Variants in SPG11 observed in about 807,000 individuals in gnomAD.
The protein encoded by SPG11 is SPG11 vesicle trafficking associated, spatacsin, also known as spatacsin.
A neutral mutation model predicts 274.0 loss-of-function variants in SPG11; 222 were observed. That is an observed-to-expected ratio of 0.81 (90% CI 0.73 to 0.91). The LOEUF is 0.91. SPG11 is among the 40% of genes least tolerant of loss of function. The pLI, the probability that SPG11 is intolerant of heterozygous loss-of-function variation, is 0.00. For synonymous variants in SPG11, 1,144 were observed against 1,039.7 expected (o/e 1.10, Z -1.93); for missense variants, 3,114 against 2,872.7 (o/e 1.08, Z -1.92).
chr15:44,607,021 G>T (rs560943459), intron 19 of SPG11, among the ~76,000 whole-genome samples: 13 of 152,276 alleles, frequency 8.5e-5, no homozygotes, highest in South Asian at 6.2e-4. Flanking sequence ...GCTACTCAAA[G>T]TGCTGGTCTA....
intron 6 of SPG11, among the ~76,000 whole-genome samples, chr15:44,649,511 C>T (rs1019744122): frequency 6.6e-6 from 1 of 152,084 alleles, no homozygotes; most frequent in East Asian, 1.9e-4. Context: ...TGATTACAAG[C>T]GTGAGCCACT....
intron 21 of SPG11, among the ~76,000 whole-genome samples, chr15:44,599,474 A>C (rs1030870906): frequency 2.1e-4 from 32 of 151,874 alleles, no homozygotes; most frequent in Non-Finnish European, 7.4e-5. Flanking sequence ...TAATTTTTGT[A>C]TTTTTAGTAG....
At chr15:44,601,557 CTT>C (rs776775388) in intron 20 of SPG11, among the ~76,000 whole-genome samples, 23 of 122,710 alleles carry the variant, frequency 1.9e-4, no homozygotes, top group East Asian at 2.9e-4. Context: ...CCAGCCTCTT[CTT>C]TTTTTTTTTT....
At chr15:44,650,090 T>C (rs1208275545) in intron 6 of SPG11, among the ~76,000 whole-genome samples, 2 of 152,186 alleles carry the variant, frequency 1.3e-5, no homozygotes, top group Non-Finnish European at 2.9e-5. Flanking sequence ...TTAATTCCAA[T>C]AATCACAACA....
At chr15:44,595,056 A>G (rs1025055474) in intron 26 of SPG11, among the ~76,000 whole-genome samples, 6 of 152,168 alleles carry the variant, frequency 3.9e-5, no homozygotes, top group African/African-American at 1.4e-4. Context: ...ACCTCAAGTG[A>G]TCCACCCGCC....
intron 7 of SPG11, among the ~76,000 whole-genome samples, chr15:44,634,484 C>T (rs774633634): frequency 6.7e-6 from 1 of 150,090 alleles, no homozygotes; most frequent in Non-Finnish European, 1.5e-5. Flanking sequence ...GGTTTCACTG[C>T]GTTTGGCTAG....
chr15:44,612,119 A>G lies in SPG11; in HGVS notation c.3146-1134T>C, dbSNP rs150059565. ...CCACTGCGCCTGGCCTAAAATGGTC[A>G]TTGTCTTTAAGAATGTGGGAAAATT... On this transcript the variant is annotated intron_variant, in intron 17 of 39. Transcript: ENST00000261866. Among the ~76,000 whole-genome samples the G allele has an allele frequency of 3.8e-3, 581 of 152,220 alleles. 12 individuals are homozygous for G. Among genetic ancestry groups the G allele is most frequent in the East Asian group, 0.037 (194 of 5,178 alleles).
At chr15:44,622,682 C>G in intron 12 of SPG11, 46 bp downstream of exon 12, 1 of 1,479,988 alleles carries the variant, frequency 6.8e-7, no homozygotes, top group Non-Finnish European at 9.4e-7. Context: ...GTTTTTCACC[C>G]AGGCTTTCTA....
chr15:44,595,144 C>T, intron 26 of SPG11, 115 bp downstream of exon 26: 1 of 1,013,144 alleles, frequency 9.9e-7, no homozygotes, highest in Non-Finnish European at 1.5e-6. Flanking sequence ...ATATTATCAT[C>T]ATTATCTGTT....
intron 30 of SPG11, among the ~76,000 whole-genome samples, chr15:44,580,269 A>G (rs921494656): frequency 6.6e-6 from 1 of 152,196 alleles, no homozygotes; most frequent in African/African-American, 2.4e-5. Context: ...TAGGCTATAT[A>G]TCATGTAGTA....
In SPG11 at chr15:44,621,918, G is replaced by A. The variant is rs1415161023; in HGVS notation, c.2461C>T (p.Gln821Ter). 6.2e-7 allele frequency: 1 copy of A among 1,611,584 alleles called. No homozygotes were observed. The highest frequency in any genetic ancestry group is 1.7e-5 in the Admixed American group (1 of 59,804). The change falls in exon 14 of 40, where the codon CAA (glutamine) becomes TAA (stop). Residue 821 changes from glutamine to a stop codon, truncating the protein, a stop_gained. Transcript: ENST00000261866. LOFTEE classifies it high-confidence loss of function. ...QSFPRYWIKE[Q>*]DFFKHKSVLD... ...ACAGACTTGTGCTTGAAAAAATCTT[G>A]TTCCTTTATCCAGTACCTAAAAACA...
chr15:44,597,004 G>T, intron 23 of SPG11, 61 bp from the exon 24 acceptor site: 1 of 1,525,626 alleles, frequency 6.6e-7, no homozygotes. Flanking sequence ...TTAAAATATA[G>T]CTTTAGCTTG....
At position 44,564,674 on chromosome 15, in the gene SPG11, C is replaced by T. The variant is rs529842519; in HGVS notation, c.7024G>A (p.Asp2342Asn). The T allele has an allele frequency of 2.5e-5, 41 of 1,614,124 alleles. No individual in the cohort carries two copies. The highest frequency in any genetic ancestry group is 2.1e-4 in the South Asian group (19 of 91,080). The change falls in exon 39 of 40, where the codon GAT becomes AAT. Residue 2342 changes from aspartate (D) to asparagine (N), a missense_variant. Physicochemically the swap from Asp to Asn is conservative, Grantham distance 23. Transcript: ENST00000261866. ...YQASIVAEAY[D>N]FVPDWAEILY... is the part of the protein sequence containing the mutation. ...ATTTCAGCCCAATCTGGAACAAAAT[C>T]GTAGGCCTCAGCCACAATAGAAGCC...
intron 37 of SPG11, 33 bp downstream of exon 37, chr15:44,566,184 C>T: frequency 6.2e-7 from 1 of 1,611,924 alleles, no homozygotes; most frequent in South Asian, 1.1e-5. Context: ...ACAGCAAGTC[C>T]CAAGGCCAGT....
At chr15:44,658,364 C>T (rs79407768) in intron 3 of SPG11, among the ~76,000 whole-genome samples, 3,604 of 151,890 alleles carry the variant, frequency 0.024, 105 homozygotes, top group East Asian at 0.1. Context: ...ATCAAATTAA[C>T]GTGGCAAAGC....
In SPG11 at chr15:44,583,809, CTTACT is replaced by C. The variant is rs771346977; in HGVS notation, c.5866_5866+4del. 5 of 1,614,168 alleles carry C rather than the reference CTTACT, an allele frequency of 3.1e-6. No individual in the cohort carries two copies. The highest frequency in any genetic ancestry group is 4.2e-6 in the Non-Finnish European group (5 of 1,180,034). On this transcript the variant is annotated splice_donor_variant and splice_donor_region_variant and coding_sequence_variant and intron_variant, in exon 30 of 40. Coordinates refer to ENST00000261866, the MANE Select transcript of SPG11 (RefSeq NM_025137.4). LOFTEE classifies it high-confidence loss of function. ...ACTCTGGGCCATCTGATCTCCTTCA[CTTACT>C]GCTGTGGACTCTCCTTAGGGGAATG... is the stretch of plus-strand genomic sequence containing the variant.
rs2082224588 is a variant in SPG11 at position 44,563,046 on chromosome 15, C to G, written c.*75G>C. 1 of 1,446,444 alleles carries G rather than the reference C, an allele frequency of 6.9e-7. No homozygotes were observed. Among genetic ancestry groups the G allele is most frequent in the Admixed American group, 1.7e-5 (1 of 59,242 alleles). 89.6% of individuals were successfully genotyped at this position (1,446,444 alleles called of 1,614,324 possible). ...GATTGTTCAACTTTAGCAAAGATCT[C>G]CAATGCATTCTTCTTCTCATCACAT... On this transcript the variant is annotated 3_prime_UTR_variant, in exon 40 of 40. Coordinates refer to ENST00000261866, the MANE Select transcript of SPG11 (RefSeq NM_025137.4).
At chr15:44,567,825 A>T (rs1014366841) in intron 35 of SPG11, among the ~76,000 whole-genome samples, 1 of 152,234 alleles carries the variant, frequency 6.6e-6, no homozygotes, top group Non-Finnish European at 1.5e-5. Flanking sequence ...CCTTAAAAAT[A>T]CACCCGCATA....
intron 26 of SPG11, among the ~76,000 whole-genome samples, chr15:44,594,425 C>CAAAACA (rs1266599219): frequency 2.0e-5 from 3 of 151,052 alleles, no homozygotes; most frequent in South Asian, 2.1e-4. Flanking sequence ...GACTCTGTCT[C>CAAAACA]AAAACAAAAA....
Sources: allele counts gnomAD v4.1 joint callset (sites outside exome capture counted in the v4.1 genomes callset), GRCh38; gene constraint gnomAD v4.1.1; transcripts MANE v1.5; gene names NCBI Gene and HGNC (gene_info 2026-07-23, HGNC 2026-07-21).